The following TNKS variants were observed in gnomAD, a reference collection of about 807,000 sequenced individuals.
TNKS encodes poly [ADP-ribose] polymerase tankyrase-1.
Under a neutral mutation model 135.8 loss-of-function variants are expected in TNKS, and 72 were observed. The ratio of observed to expected loss-of-function variants is 0.53; its 90% CI spans 0.44 to 0.64. The LOEUF (loss-of-function observed/expected upper bound fraction) is 0.64, where lower values mean the gene tolerates loss of function less well. TNKS is among the 30% of genes least tolerant of loss of function. TNKS has a pLI of 0.00. For missense variants in TNKS, 1,769 were observed against 1,674.0 expected (o/e 1.06, Z -0.99); for synonymous variants, 849 against 649.3 (o/e 1.31, Z -4.68).
intron 26 of TNKS, among the ~76,000 whole-genome samples, chr8:9,776,430 T>G (rs1808229058): frequency 6.6e-6 from 1 of 152,206 alleles, no homozygotes; most frequent in Admixed American, 6.5e-5. Context: ...TTGACAGTAT[T>G]CGAAGTAGAA....
intron 2 of TNKS, among the ~76,000 whole-genome samples, chr8:9,585,256 G>A (rs960019712): frequency 1.3e-5 from 2 of 151,930 alleles, no homozygotes; most frequent in Admixed American, 1.3e-4. Context: ...AGAGACAAAT[G>A]TTGAAACATG....
chr8:9,639,707 G>A, intron 3 of TNKS, among the ~76,000 whole-genome samples: 1 of 152,088 alleles, frequency 6.6e-6, no homozygotes, highest in East Asian at 1.9e-4. Flanking sequence ...CTCAGCAACT[G>A]TGATGAGTTC....
At chr8:9,616,030 G>C (rs930316244) in intron 3 of TNKS, among the ~76,000 whole-genome samples, 1 of 152,104 alleles carries the variant, frequency 6.6e-6, no homozygotes, top group African/African-American at 2.4e-5. Context: ...TACTATAAAA[G>C]TAGTTTTGAT....
At chr8:9,724,243 A>G (rs1464632454) in intron 12 of TNKS, among the ~76,000 whole-genome samples, 1 of 152,094 alleles carries the variant, frequency 6.6e-6, no homozygotes, top group Non-Finnish European at 1.5e-5. Context: ...TGAGCTCAGG[A>G]GTTCAAGCCC....
At chr8:9,648,365 A>G (rs1385418669) in intron 3 of TNKS, among the ~76,000 whole-genome samples, 1 of 152,080 alleles carries the variant, frequency 6.6e-6, no homozygotes, top group African/African-American at 2.4e-5. Flanking sequence ...TATTCTTTAC[A>G]TATGCTTATT....
chr8:9,755,442 C>G (rs2128830330), intron 20 of TNKS, among the ~76,000 whole-genome samples: 1 of 152,342 alleles, frequency 6.6e-6, no homozygotes, highest in African/African-American at 2.4e-5. Flanking sequence ...TTCTTTCCCT[C>G]CAGACAGGTG....
chr8:9,749,942 A>C (rs951658364), intron 18 of TNKS, among the ~76,000 whole-genome samples: 1 of 152,186 alleles, frequency 6.6e-6, no homozygotes, highest in Non-Finnish European at 1.5e-5. Context: ...CTTTTAGTCC[A>C]AACTAGTACA....
intron 2 of TNKS, among the ~76,000 whole-genome samples, chr8:9,599,016 T>G (rs545759046): frequency 2.0e-5 from 3 of 151,786 alleles, no homozygotes; most frequent in Admixed American, 1.3e-4. Context: ...GTGGTCATTG[T>G]CCCTTAGAGT....
intron 1 of TNKS, chr8:9,575,265 T>C: frequency 1.8e-6 from 1 of 543,094 alleles, no homozygotes; most frequent in Non-Finnish European, 2.3e-6. Context: ...TTTTTGTATA[T>C]TTAGTAGAGA....
chr8:9,760,768 C>A (rs1410887151), intron 20 of TNKS, among the ~76,000 whole-genome samples: 1 of 152,240 alleles, frequency 6.6e-6, no homozygotes, highest in South Asian at 2.1e-4. Context: ...TAATCATCTC[C>A]ATTTTACAAG....
At chr8:9,725,730 T>C (rs1272113175) in intron 12 of TNKS, among the ~76,000 whole-genome samples, 1 of 152,248 alleles carries the variant, frequency 6.6e-6, no homozygotes, top group African/African-American at 2.4e-5. Flanking sequence ...GTTAACATAA[T>C]GTGTGCTCAT....
At chr8:9,609,397 C>G (rs1174636481) in intron 2 of TNKS, among the ~76,000 whole-genome samples, 2 of 152,204 alleles carry the variant, frequency 1.3e-5, no homozygotes, top group Non-Finnish European at 1.5e-5. Context: ...TAATTCTGTA[C>G]TAGGACCAGT....
intron 26 of TNKS, chr8:9,772,553 A>AAAACGAAGTTAACCTTC (rs1457936096): frequency 3.5e-5 from 13 of 374,696 alleles, no homozygotes; most frequent in African/African-American, 2.7e-4. Context: ...AAGAGACATG[A>AAAACGAAGTTAACCTTC]AAACGAAGTT....
chr8:9,558,301 G>A (rs1797173053), intron 1 of TNKS: 1 of 152,190 alleles, frequency 6.6e-6, no homozygotes, highest in South Asian at 2.1e-4. Context: ...TTGATATACA[G>A]ACACTACTTA....
At chr8:9,761,268 C>T (rs563006153) in intron 20 of TNKS, among the ~76,000 whole-genome samples, 6 of 152,140 alleles carry the variant, frequency 3.9e-5, no homozygotes, top group African/African-American at 9.7e-5. Context: ...TTTTGTATTT[C>T]TATAGTATTG....
intron 5 of TNKS, among the ~76,000 whole-genome samples, chr8:9,686,796 A>C (rs1803022904): frequency 6.6e-6 from 1 of 152,096 alleles, no homozygotes; most frequent in Non-Finnish European, 1.5e-5. Flanking sequence ...TCTGATTTTA[A>C]GTTTCAGCTG....
chr8:9,667,851 T>A (rs1802072836), intron 3 of TNKS, among the ~76,000 whole-genome samples: 1 of 151,980 alleles, frequency 6.6e-6, no homozygotes, highest in Admixed American at 6.5e-5. Flanking sequence ...TTTTTTTTTT[T>A]TTTTTGAGTC....
chr8:9,704,296 G>C (rs1803950178), intron 5 of TNKS, among the ~76,000 whole-genome samples: 1 of 152,154 alleles, frequency 6.6e-6, no homozygotes, highest in African/African-American at 2.4e-5. Context: ...AGGAGGACAG[G>C]ATTTAAGTAG....
At chr8:9,625,984 A>G (rs1800040028) in intron 3 of TNKS, among the ~76,000 whole-genome samples, 1 of 152,056 alleles carries the variant, frequency 6.6e-6, no homozygotes, top group Non-Finnish European at 1.5e-5. Context: ...TGGTTGTTCT[A>G]TCAGTTGTTG....
Sources: gnomAD v4.1 joint callset for allele counts (sites outside exome capture counted in the v4.1 genomes callset) on GRCh38, gnomAD v4.1.1 for gene constraint, MANE v1.5 for transcripts, NCBI Gene and HGNC (gene_info 2026-07-23, HGNC 2026-07-21) for gene names.